Variants in GYPC observed in about 807,000 individuals in gnomAD.
The protein encoded by GYPC is glycophorin C (Gerbich blood group).
A neutral mutation model predicts 12.6 loss-of-function variants in GYPC; 14 were observed. The observed-to-expected ratio is 1.11, with a 90% CI of 0.74 to 1.74. The LOEUF is 1.74. Among genes scored for constraint, GYPC ranks in the 40% most tolerant of loss-of-function variants. The pLI is 0.00. For synonymous variants in GYPC, 78 were observed against 62.1 expected, an observed-to-expected ratio of 1.26 and a Z score of -1.20; for missense variants, 225 against 172.1, an observed-to-expected ratio of 1.31 and a Z score of -1.72.
intron 1 of GYPC, among the ~76,000 whole-genome samples, chr2:126,674,048 G>C (rs1682924327): frequency 6.6e-6 from 1 of 152,188 alleles, no homozygotes; most frequent in Non-Finnish European, 1.5e-5. Flanking sequence ...AGGACACAAA[G>C]CCCGGACTCA....
chr2:126,656,833 G>A (rs1006034477), intron 1 of GYPC, among the ~76,000 whole-genome samples: 4 of 152,186 alleles, frequency 2.6e-5, no homozygotes, highest in Non-Finnish European at 5.9e-5. Flanking sequence ...TGGATCCTTT[G>A]GGGATTTGTA....
intron 3 of GYPC, among the ~76,000 whole-genome samples, 163 bp from the exon 4 acceptor site, chr2:126,695,780 CTTA>C (rs1265342902): frequency 1.3e-5 from 2 of 152,210 alleles, no homozygotes; most frequent in Non-Finnish European, 2.9e-5. Context: ...GTATTTTTAA[CTTA>C]TTATGGGCTT....
intron 1 of GYPC, among the ~76,000 whole-genome samples, chr2:126,683,779 G>A (rs1456472142): frequency 2.0e-5 from 3 of 152,186 alleles, no homozygotes; most frequent in Non-Finnish European, 2.9e-5. Flanking sequence ...CAAGTGACTA[G>A]GTATGAAAAG....
intron 1 of GYPC, among the ~76,000 whole-genome samples, chr2:126,663,025 T>C (rs1682574871): frequency 6.6e-6 from 1 of 152,092 alleles, no homozygotes; most frequent in South Asian, 2.1e-4. Context: ...ATGCTGCTCC[T>C]TCATGGTTTT....
intron 1 of GYPC, among the ~76,000 whole-genome samples, chr2:126,659,153 TA>T (rs1682456945): frequency 6.6e-6 from 1 of 152,126 alleles, no homozygotes; most frequent in Admixed American, 6.5e-5. Flanking sequence ...AACTGAGAGG[TA>T]AAACAACAAA....
rs1328954863 is a variant in GYPC, at chr2:126,683,483, CTGT to C, written c.50-6768_50-6766del. 4.6e-5 allele frequency among the ~76,000 whole-genome samples: 7 copies of C among 152,344 alleles called. No homozygotes were observed. The East Asian group carries it at 9.6e-4, about 21-fold the overall frequency. ...CTTCAGAGTGCCTTGCTGATTTCTG[CTGT>C]TGTCAGGATCCTGGACTTTGGAGAC... On this transcript the variant is annotated intron_variant, in intron 1 of 3. Transcript: ENST00000259254.
At chr2:126,686,674 C>T in intron 1 of GYPC, 1 of 985,400 alleles carries the variant, frequency 1.0e-6, no homozygotes, top group Non-Finnish European at 1.2e-6. Context: ...CCGGGGGGAC[C>T]TTGCAACCTG....
Position 126,696,452 on chromosome 2 carries a change from TG to T in GYPC, c.*312del. Reference sequence around the variant, plus strand: ...GCAGTGCAGGACAACATCAGCTCACTGGCAGGAAAGTCCTTGTTGAGGGTGA... The same window carrying T: ...GCAGTGCAGGACAACATCAGCTCACTGCAGGAAAGTCCTTGTTGAGGGTGA... On this transcript the variant is annotated 3_prime_UTR_variant, in exon 4 of 4. Coordinates refer to ENST00000259254, the MANE Select transcript of GYPC (RefSeq NM_002101.5). The T allele has an allele frequency of 2.5e-6, 1 of 397,656 alleles. No homozygotes were observed. The highest frequency in any genetic ancestry group is 2.2e-5 in the South Asian group (1 of 46,218). 24.6% of individuals were successfully genotyped at this position (397,656 alleles called of 1,614,324 possible).
intron 1 of GYPC, among the ~76,000 whole-genome samples, chr2:126,665,233 A>G (rs1682646331): frequency 2.0e-5 from 3 of 151,788 alleles, no homozygotes; most frequent in Admixed American, 6.6e-5. Context: ...CAGTTACCTA[A>G]GGTACAGTAC....
chr2:126,685,597 C>A (rs948628247), intron 1 of GYPC, among the ~76,000 whole-genome samples: 1 of 152,140 alleles, frequency 6.6e-6, no homozygotes, highest in Admixed American at 6.5e-5. Context: ...GTTGGTCAGG[C>A]TGGTCTTGAA....
chr2:126,690,265 G>C lies in GYPC; in HGVS notation c.60G>C (p.Pro20=). Reference sequence around the variant, plus strand: ...GTCCTCTGTTCACAGAGCCTGATCCGGGGATGGCCTCTGCCTCCACCACAA... The same window carrying C: ...GTCCTCTGTTCACAGAGCCTGATCCCGGGATGGCCTCTGCCTCCACCACAA... ...TAWPLSLEPD[P]GMASASTTMH... is the part of the protein sequence containing the mutation. Residue 20 remains proline (P), a synonymous_variant, in exon 2 of 4, where the codon CCG becomes CCC. Coordinates refer to ENST00000259254, the MANE Select transcript of GYPC (RefSeq NM_002101.5). 6.2e-7 allele frequency: 1 copy of C among 1,612,054 alleles called. No individual in the cohort carries two copies. Among genetic ancestry groups the C allele is most frequent in the Middle Eastern group, 1.7e-4 (1 of 6,030 alleles).
Position 126,696,116 on chromosome 2 carries a change from A to G in GYPC, c.361A>G (p.Ser121Gly). The G allele has an allele frequency of 3.1e-6, 5 of 1,613,904 alleles. No homozygotes were observed. Among genetic ancestry groups the G allele is most frequent in the East Asian group, 2.2e-5 (1 of 44,882 alleles). ...CCCTGCCCTCCAAGATGCTGGTGAT[A>G]GCAGCAGAAAGGAGTACTTTATTTG... ...GDPALQDAGD[S>G]SRKEYFI Residue 121 changes from serine (S) to glycine (G), a missense_variant, in exon 4 of 4, where the codon AGC (serine) becomes GGC (glycine). Ser to Gly is a moderately conservative substitution (Grantham distance 56). Coordinates refer to ENST00000259254, the MANE Select transcript of GYPC (RefSeq NM_002101.5).
chr2:126,688,921 T>C (rs1452295539), intron 1 of GYPC, among the ~76,000 whole-genome samples: 4 of 152,202 alleles, frequency 2.6e-5, no homozygotes, highest in African/African-American at 7.2e-5. Context: ...GTAGAGCCAT[T>C]GTAATGGGAA....
intron 1 of GYPC, chr2:126,685,736 C>T: frequency 3.1e-6 from 3 of 971,676 alleles, no homozygotes; most frequent in South Asian, 4.8e-5. Context: ...TTGAACACTC[C>T]AGGTAACTGC....
chr2:126,684,418 A>C lies in GYPC; in HGVS notation c.50-5837A>C, dbSNP rs183104267. 5.0e-4 allele frequency among the ~76,000 whole-genome samples: 76 copies of C among 151,948 alleles called. 1 individual carries two copies. The highest frequency in any genetic ancestry group is 1.8e-3 in the African/African-American group (75 of 41,436). ...GGCATCCAGGGAAGCTCTCCACCCA[A>C]CCCAGAGGCTTACTGACCACTCTAT... On this transcript the variant is annotated intron_variant, in intron 1 of 3. Transcript: ENST00000259254.
At position 126,688,177 on chromosome 2, in the gene GYPC, G is replaced by T. The variant is rs1314697445; in HGVS notation, c.50-2078G>T. On this transcript the variant is annotated intron_variant, in intron 1 of 3. Coordinates refer to ENST00000259254, the MANE Select transcript of GYPC (RefSeq NM_002101.5). ...GAAATTATTAACTGTTTTAAAGGAA[G>T]GGAAAATAACAGTCCCTTCTAACCC... 2.6e-5 allele frequency among the ~76,000 whole-genome samples: 4 copies of T among 152,150 alleles called. 1 individual carries two copies. The East Asian group carries it at 7.7e-4, about 29-fold the overall frequency.
In GYPC at chr2:126,696,200, C is replaced by A. The variant is rs988027507; in HGVS notation, c.*58C>A. 8.8e-6 allele frequency: 11 copies of A among 1,250,402 alleles called. No individual in the cohort carries two copies. Among genetic ancestry groups the A allele is most frequent in the African/African-American group, 7.4e-5 (5 of 67,566 alleles). 77.5% of individuals were successfully genotyped at this position (1,250,402 alleles called of 1,614,324 possible). Reference sequence around the variant, plus strand: ...CCCCATCTCCATCAGGAAAAATACACCCCATCGCCCAGCACCCCTGCTGAT... The same window carrying A: ...CCCCATCTCCATCAGGAAAAATACAACCCATCGCCCAGCACCCCTGCTGAT... On this transcript the variant is annotated 3_prime_UTR_variant, in exon 4 of 4. Coordinates refer to ENST00000259254, the MANE Select transcript of GYPC (RefSeq NM_002101.5).
At chr2:126,663,251 T>C (rs1682585340) in intron 1 of GYPC, among the ~76,000 whole-genome samples, 1 of 151,970 alleles carries the variant, frequency 6.6e-6, no homozygotes, top group African/African-American at 2.4e-5. Context: ...TTGGCCAGGA[T>C]TGTCTCAATC....
intron 1 of GYPC, among the ~76,000 whole-genome samples, chr2:126,671,002 C>T (rs1172901496): frequency 6.6e-6 from 1 of 152,222 alleles, no homozygotes; most frequent in Non-Finnish European, 1.5e-5. Flanking sequence ...TCTCTGATGG[C>T]ACAACTTCTA....
Sources: gnomAD v4.1 joint callset for allele counts (sites outside exome capture counted in the v4.1 genomes callset) on GRCh38, gnomAD v4.1.1 for gene constraint, MANE v1.5 for transcripts, NCBI Gene and HGNC (gene_info 2026-07-23, HGNC 2026-07-21) for gene names.